CNTNAP4: variants seen among roughly 807,000 people sequenced by gnomAD.
The protein encoded by CNTNAP4 is contactin-associated protein-like 4.
In CNTNAP4, 98 loss-of-function variants were observed where a neutral mutation model predicts 148.4. That is an observed-to-expected ratio of 0.66 (90% CI 0.56 to 0.78). The LOEUF (loss-of-function observed/expected upper bound fraction) is 0.78. Ranked by LOEUF, CNTNAP4 falls within the 30% of genes least tolerant of loss-of-function variation. The pLI is 0.00. For missense variants in CNTNAP4, 1,935 were observed against 1,565.6 expected (o/e 1.24, Z -3.98); for synonymous variants, 730 against 565.1 (o/e 1.29, Z -4.14).
chr16:76,340,458 T>C (rs963638315), intron 2 of CNTNAP4, among the ~76,000 whole-genome samples: 5 of 152,172 alleles, frequency 3.3e-5, no homozygotes, highest in Admixed American at 2.6e-4. Context: ...GACTCTTGAC[T>C]CTGAGCACCA....
At chr16:76,415,359 G>C (rs961582482) in intron 3 of CNTNAP4, among the ~76,000 whole-genome samples, 2 of 150,946 alleles carry the variant, frequency 1.3e-5, no homozygotes, top group East Asian at 3.9e-4. Flanking sequence ...TTTTTAAATA[G>C]AACTTAAAAT....
chr16:76,503,262 T>C (rs1458365750), intron 15 of CNTNAP4, among the ~76,000 whole-genome samples: 1 of 152,110 alleles, frequency 6.6e-6, no homozygotes, highest in Non-Finnish European at 1.5e-5. Context: ...TCCTAGCACA[T>C]GTAATAAGTC....
rs183303131 is a variant in CNTNAP4, at chr16:76,370,871, A to G, written c.390+15360A>G. On this transcript the variant is annotated intron_variant, in intron 3 of 23. Coordinates refer to ENST00000611870, the MANE Select transcript of CNTNAP4 (RefSeq NM_033401.5). ...TACTGAGGAAATTGAGATTTAAGAT[A>G]AGTTTCCCCCTAAATTTATGTTAAC... Among the ~76,000 whole-genome samples, 3 of 152,284 alleles carry G rather than the reference A, an allele frequency of 2.0e-5. No homozygotes were observed. In the East Asian group the frequency reaches 5.8e-4, roughly 29 times the overall value.
chr16:76,382,056 G>A (rs1408366612), intron 3 of CNTNAP4, among the ~76,000 whole-genome samples: 4 of 81,150 alleles, frequency 4.9e-5, no homozygotes, highest in African/African-American at 2.1e-4. Context: ...GCGAGACTCC[G>A]TCTCAAAAAA....
chr16:76,381,557 A>G lies in CNTNAP4; in HGVS notation c.390+26046A>G, dbSNP rs117528303. On this transcript the variant is annotated intron_variant, in intron 3 of 23. Transcript: ENST00000611870. ...CTTCAGGTGATCGTCAATTTCATCT[A>G]GATAACCCTTCAAGGGTAAAATCTA... 4.9e-3 allele frequency among the ~76,000 whole-genome samples: 739 copies of G among 152,336 alleles called. 4 individuals carry two copies. Among genetic ancestry groups the G allele is most frequent in the Middle Eastern group, 0.02 (6 of 294 alleles).
At chr16:76,455,718 A>C (rs1397013819) in intron 8 of CNTNAP4, among the ~76,000 whole-genome samples, 1 of 152,136 alleles carries the variant, frequency 6.6e-6, no homozygotes, top group Non-Finnish European at 1.5e-5. Flanking sequence ...AAGAGGCAAC[A>C]CCCTTTGGTT....
chr16:76,357,549 A>G (rs1215813125), intron 3 of CNTNAP4, among the ~76,000 whole-genome samples: 1 of 152,174 alleles, frequency 6.6e-6, no homozygotes, highest in Non-Finnish European at 1.5e-5. Context: ...CTCTGCTGTA[A>G]TTTGTTGATT....
Position 76,376,146 on chromosome 16 carries a change from TAAAG to T in CNTNAP4, c.390+20639_390+20642del, listed in dbSNP as rs373586676. The stretch of plus-strand genomic sequence containing the variant: ...AAGGGGAAGGGAAAAAAGAGGGAAA[TAAAG>T]AAAAGCAAGCAAGGAAGAAAACCTT... On this transcript the variant is annotated intron_variant, in intron 3 of 23. Transcript: ENST00000611870. Among the ~76,000 whole-genome samples, 822 of 149,698 alleles carry T rather than the reference TAAAG, an allele frequency of 5.5e-3. 6 individuals carry two copies. The highest frequency in any genetic ancestry group is 0.011 in the African/African-American group (428 of 40,706).
chr16:76,386,078 C>A (rs2016490621), intron 3 of CNTNAP4, among the ~76,000 whole-genome samples: 1 of 152,162 alleles, frequency 6.6e-6, no homozygotes, highest in Admixed American at 6.5e-5. Context: ...CGTTGGGCAG[C>A]CCAGAGTCTT....
At chr16:76,513,611 A>C (rs888313030) in intron 15 of CNTNAP4, among the ~76,000 whole-genome samples, 1 of 152,168 alleles carries the variant, frequency 6.6e-6, no homozygotes, top group Non-Finnish European at 1.5e-5. Context: ...TTTTCTATAC[A>C]TGGAAAAATA....
In CNTNAP4 at chr16:76,424,850, C is replaced by T. The variant is rs927186879; in HGVS notation, c.391-2602C>T. On this transcript the variant is annotated intron_variant, in intron 3 of 23. Transcript: ENST00000611870. ...ACAAAATCAATGCTCAGGCTATGAG[C>T]GCTGAGAGTTTTAATGTGCAGTCTA... 3.3e-5 allele frequency among the ~76,000 whole-genome samples: 5 copies of T among 152,194 alleles called. 1 individual carries two copies. The highest frequency in any genetic ancestry group is 2.6e-4 in the Admixed American group (4 of 15,266).
rs1232750400 is a variant in CNTNAP4, at chr16:76,489,750, A to G, written c.1947A>G (p.Pro649=). 6.2e-7 allele frequency: 1 copy of G among 1,604,926 alleles called. No homozygotes were observed. The highest frequency in any genetic ancestry group is 8.5e-7 in the Non-Finnish European group (1 of 1,175,318). ...SDLTRVRNTN[P]ENPYAGFFEY... ...TAACAAGAGTCAGAAATACTAATCCAGAGAACCCATATGCTGGGTTTTTCG... is the reference window on the plus strand; with the variant it reads ...TAACAAGAGTCAGAAATACTAATCCGGAGAACCCATATGCTGGGTTTTTCG... Residue 649 remains proline (P), a synonymous_variant, in exon 13 of 24, where the codon CCA becomes CCG. Transcript: ENST00000611870.
Position 76,496,889 on chromosome 16 carries a change from C to T in CNTNAP4, c.2238-1678C>T, listed in dbSNP as rs1488895960. The stretch of plus-strand genomic sequence containing the variant: ...TTTGAATTGGCAGAAAGAAACTTTA[C>T]AGCAACTATTATAAAAATATTTGAA... On this transcript the variant is annotated intron_variant, in intron 14 of 23. Coordinates refer to ENST00000611870, the MANE Select transcript of CNTNAP4 (RefSeq NM_033401.5). 5.3e-5 allele frequency among the ~76,000 whole-genome samples: 8 copies of T among 152,184 alleles called. No homozygotes were observed. In the East Asian group the frequency reaches 1.2e-3, roughly 22 times the overall value.
At chr16:76,451,269 C>G (rs940072103) in intron 7 of CNTNAP4, among the ~76,000 whole-genome samples, 3 of 152,182 alleles carry the variant, frequency 2.0e-5, no homozygotes, top group Admixed American at 6.5e-5. Flanking sequence ...CACCCAAGCT[C>G]TCTTTTTTGG....
chr16:76,549,990 A>T (rs117747849), intron 21 of CNTNAP4, among the ~76,000 whole-genome samples: 148 of 152,350 alleles, frequency 9.7e-4, no homozygotes, highest in Non-Finnish European at 1.9e-3. Context: ...TACTGAGATA[A>T]GATACACACT....
chr16:76,459,564 AT>A (rs1416904995), intron 8 of CNTNAP4, among the ~76,000 whole-genome samples: 1 of 152,224 alleles, frequency 6.6e-6, no homozygotes, highest in Non-Finnish European at 1.5e-5. Context: ...GTTTTGATGC[AT>A]TTTTGATCCA....
chr16:76,527,483 CTA>C (rs1469787865), intron 17 of CNTNAP4, among the ~76,000 whole-genome samples: 1 of 152,106 alleles, frequency 6.6e-6, no homozygotes, highest in Admixed American at 6.6e-5. Context: ...ATAATTATAG[CTA>C]ATCAGCATTT....
chr16:76,518,516 G>T (rs1284729832), intron 15 of CNTNAP4, among the ~76,000 whole-genome samples: 1 of 152,090 alleles, frequency 6.6e-6, no homozygotes, highest in African/African-American at 2.4e-5. Context: ...ACTTTTTTAT[G>T]ATTGTTATTT....
At chr16:76,435,476 C>A (rs1425496952) in intron 4 of CNTNAP4, among the ~76,000 whole-genome samples, 1 of 152,118 alleles carries the variant, frequency 6.6e-6, no homozygotes, top group Non-Finnish European at 1.5e-5. Flanking sequence ...CCAGTTATTC[C>A]CATTTTATTT....
Sources: allele counts gnomAD v4.1 joint callset (sites outside exome capture counted in the v4.1 genomes callset), GRCh38; gene constraint gnomAD v4.1.1; transcripts MANE v1.5; gene names NCBI Gene and HGNC (gene_info 2026-07-23, HGNC 2026-07-21).